The following PHACTR1 variants were observed in gnomAD, a reference collection of about 807,000 sequenced individuals.
The protein encoded by PHACTR1 is RPEL repeat containing 1.
In PHACTR1, 16 loss-of-function variants were observed where a neutral mutation model predicts 69.2. The ratio of observed to expected loss-of-function variants is 0.23; its 90% CI spans 0.16 to 0.35. The LOEUF (loss-of-function observed/expected upper bound fraction) is 0.35, where lower values mean the gene tolerates loss of function less well. PHACTR1 is among the 10% of genes least tolerant of loss of function. The probability of loss-of-function intolerance (pLI) is 1.00; values close to 1 mark genes in which losing one functional copy is unlikely to be tolerated. For missense variants in PHACTR1, 510 were observed against 734.7 expected (o/e 0.69, Z 3.54); for synonymous variants, 312 against 284.5 (o/e 1.10, Z -0.97).
chr6:13,249,200 G>T lies in PHACTR1; in HGVS notation c.1391+19007G>T, dbSNP rs370369826. ...CCCCACAGCAGGAGATGAGTGGCGG[G>T]AGTGAGCATTACTGCCTGAGCCCTG... On this transcript the variant is annotated intron_variant, in intron 10 of 14. Transcript: ENST00000332995. Among the ~76,000 whole-genome samples the T allele has an allele frequency of 1.3e-4, 20 of 152,266 alleles. No individual in the cohort carries two copies. In the East Asian group the frequency reaches 3.5e-3, roughly 26 times the overall value.
chr6:12,980,037 G>A (rs1156828566), intron 4 of PHACTR1, among the ~76,000 whole-genome samples: 1 of 152,152 alleles, frequency 6.6e-6, no homozygotes, highest in Non-Finnish European at 1.5e-5. Context: ...TTCATGGTAC[G>A]TAGAAATGTT....
chr6:13,208,697 A>G (rs1186550888), intron 8 of PHACTR1, among the ~76,000 whole-genome samples: 2 of 150,378 alleles, frequency 1.3e-5, no homozygotes, highest in African/African-American at 2.4e-5. Flanking sequence ...GTCAATCATC[A>G]GAAAAGATAC....
At chr6:12,925,238 C>T (rs892820551) in intron 4 of PHACTR1, among the ~76,000 whole-genome samples, 1 of 152,180 alleles carries the variant, frequency 6.6e-6, no homozygotes, top group Non-Finnish European at 1.5e-5. Flanking sequence ...GCTCAACTGA[C>T]TTGTTGATTC....
intron 5 of PHACTR1, among the ~76,000 whole-genome samples, chr6:13,079,832 C>A (rs997774468): frequency 2.6e-5 from 4 of 152,120 alleles, no homozygotes; most frequent in Admixed American, 6.6e-5. Flanking sequence ...GCCATATGAC[C>A]TTGAACAAGT....
intron 4 of PHACTR1, among the ~76,000 whole-genome samples, chr6:12,823,970 C>T (rs1440040960): frequency 6.6e-6 from 1 of 152,106 alleles, no homozygotes. Context: ...GTCCCCAACC[C>T]CCGGGCCAGG....
At chr6:13,153,710 G>T (rs1757777497) in intron 5 of PHACTR1, among the ~76,000 whole-genome samples, 1 of 152,106 alleles carries the variant, frequency 6.6e-6, no homozygotes, top group South Asian at 2.1e-4. Context: ...GAGTTGCCTT[G>T]GCCACCTTCT....
intron 4 of PHACTR1, among the ~76,000 whole-genome samples, chr6:12,849,442 G>A (rs1779615859): frequency 6.6e-6 from 1 of 152,152 alleles, no homozygotes; most frequent in Non-Finnish European, 1.5e-5. Flanking sequence ...AGCAGCTTCA[G>A]GCCGAACTCT....
intron 4 of PHACTR1, among the ~76,000 whole-genome samples, chr6:12,752,884 C>T (rs984573229): frequency 1.1e-4 from 17 of 152,300 alleles, no homozygotes; most frequent in Admixed American, 9.1e-4. Context: ...AAATTGAGAG[C>T]ATAGATAACA....
chr6:12,815,619 A>G (rs1376938392), intron 4 of PHACTR1, among the ~76,000 whole-genome samples: 1 of 152,196 alleles, frequency 6.6e-6, no homozygotes. Flanking sequence ...CCTTCTCCCA[A>G]ATTAAGTCAC....
chr6:13,208,759 A>C (rs970773133), intron 8 of PHACTR1, among the ~76,000 whole-genome samples: 1 of 152,212 alleles, frequency 6.6e-6, no homozygotes, highest in Non-Finnish European at 1.5e-5. Flanking sequence ...CTTAAAAAAA[A>C]CACCATATTA....
intron 4 of PHACTR1, among the ~76,000 whole-genome samples, chr6:13,002,822 A>C (rs981188091): frequency 1.7e-4 from 26 of 152,228 alleles, no homozygotes; most frequent in Admixed American, 1.7e-3. Flanking sequence ...TTAACAGAAA[A>C]GCTTGAGGAG....
At chr6:12,831,031 A>G (rs533555439) in intron 4 of PHACTR1, among the ~76,000 whole-genome samples, 38 of 152,214 alleles carry the variant, frequency 2.5e-4, no homozygotes, top group Non-Finnish European at 2.4e-4. Flanking sequence ...TGTGCCTAAC[A>G]TTTTAAAAAG....
chr6:12,897,842 C>T (rs551279731), intron 4 of PHACTR1, among the ~76,000 whole-genome samples: 1 of 152,038 alleles, frequency 6.6e-6, no homozygotes, highest in Non-Finnish European at 1.5e-5. Context: ...TTAGGTATTT[C>T]TCCTAATGTG....
intron 4 of PHACTR1, among the ~76,000 whole-genome samples, chr6:13,013,928 G>C (rs939725018): frequency 3.3e-5 from 5 of 150,840 alleles, no homozygotes; most frequent in African/African-American, 1.2e-4. Flanking sequence ...GGAGGTTTGC[G>C]CTCCGTTCGC....
chr6:12,994,925 A>T (rs1167754852), intron 4 of PHACTR1, among the ~76,000 whole-genome samples: 1 of 152,168 alleles, frequency 6.6e-6, no homozygotes, highest in Non-Finnish European at 1.5e-5. Flanking sequence ...CATGCTAGTA[A>T]ACTCAGGGTC....
intron 10 of PHACTR1, among the ~76,000 whole-genome samples, chr6:13,271,135 A>G (rs916426400): frequency 6.6e-5 from 10 of 151,904 alleles, no homozygotes; most frequent in African/African-American, 2.4e-4. Context: ...CAGCCTCCCA[A>G]GTAGCTAGGA....
intron 5 of PHACTR1, among the ~76,000 whole-genome samples, chr6:13,115,492 A>G (rs1026767765): frequency 2.6e-5 from 4 of 151,846 alleles, no homozygotes; most frequent in South Asian, 4.2e-4. Context: ...CCTTCTACCC[A>G]TGTCTTACTT....
chr6:12,962,219 C>G (rs990942411), intron 4 of PHACTR1, among the ~76,000 whole-genome samples: 8 of 152,126 alleles, frequency 5.3e-5, no homozygotes, highest in African/African-American at 1.9e-4. Context: ...AGCCACTGTG[C>G]CTGGCCCTAA....
chr6:12,875,081 A>G (rs1782400129), intron 4 of PHACTR1, among the ~76,000 whole-genome samples: 1 of 152,216 alleles, frequency 6.6e-6, no homozygotes, highest in Non-Finnish European at 1.5e-5. Context: ...AAAAAGAACC[A>G]AGCTTACAGG....
Sources: gnomAD v4.1 joint callset for allele counts (sites outside exome capture counted in the v4.1 genomes callset) on GRCh38, gnomAD v4.1.1 for gene constraint, MANE v1.5 for transcripts, NCBI Gene and HGNC (gene_info 2026-07-23, HGNC 2026-07-21) for gene names.